CDH20: variants seen among roughly 807,000 people sequenced by gnomAD.
The protein encoded by CDH20 is cadherin-20.
In CDH20, 29 loss-of-function variants were observed where a neutral mutation model predicts 74.2. The ratio of observed to expected loss-of-function variants is 0.39; its 90% CI spans 0.29 to 0.53. The LOEUF (loss-of-function observed/expected upper bound fraction) is 0.53, where lower values mean the gene tolerates loss of function less well. Ranked by LOEUF, CDH20 falls within the 20% of genes least tolerant of loss-of-function variation. CDH20 has a pLI of 0.69. For missense variants in CDH20, 988 were observed against 1,048.3 expected, an observed-to-expected ratio of 0.94 and a Z score of 0.79; for synonymous variants, 469 against 405.4, an observed-to-expected ratio of 1.16 and a Z score of -1.88.
chr18:61,446,050 C>G (rs1599090905), intron 1 of CDH20, among the ~76,000 whole-genome samples: 1 of 152,164 alleles, frequency 6.6e-6, no homozygotes, highest in African/African-American at 2.4e-5. Flanking sequence ...GAGAGACAGA[C>G]AGAAGCCATA....
chr18:61,467,859 G>T (rs997524612), intron 1 of CDH20, among the ~76,000 whole-genome samples: 4 of 152,120 alleles, frequency 2.6e-5, no homozygotes, highest in African/African-American at 9.7e-5. Context: ...GCTTACGTTC[G>T]CTTACTAGTA....
At chr18:61,517,585 C>T (rs978283811) in intron 6 of CDH20, among the ~76,000 whole-genome samples, 3 of 152,208 alleles carry the variant, frequency 2.0e-5, no homozygotes, top group African/African-American at 7.2e-5. Context: ...ATGGTCTTTG[C>T]AACCAGCAGA....
intron 7 of CDH20, among the ~76,000 whole-genome samples, chr18:61,531,886 G>T (rs1490001924): frequency 1.3e-5 from 2 of 152,320 alleles, no homozygotes; most frequent in East Asian, 1.9e-4. Context: ...CACTACGATT[G>T]TAAGTGTGCT....
intron 1 of CDH20, among the ~76,000 whole-genome samples, chr18:61,422,784 T>C (rs1049710282): frequency 1.3e-5 from 2 of 151,306 alleles, no homozygotes; most frequent in East Asian, 3.9e-4. Flanking sequence ...TATATACTTA[T>C]ATAAATGGTC....
At chr18:61,470,458 G>T (rs777988637) in intron 1 of CDH20, among the ~76,000 whole-genome samples, 5 of 152,204 alleles carry the variant, frequency 3.3e-5, no homozygotes, top group African/African-American at 7.2e-5. Context: ...GGCCCTGCCC[G>T]TTGGTGCGGA....
At chr18:61,362,759 AACT>A (rs1206598611) in intron 1 of CDH20, among the ~76,000 whole-genome samples, 1 of 151,286 alleles carries the variant, frequency 6.6e-6, no homozygotes, top group Non-Finnish European at 1.5e-5. Flanking sequence ...TAGTATGACT[AACT>A]ACTATGACAT....
At chr18:61,370,297 T>C (rs1420008029) in intron 1 of CDH20, among the ~76,000 whole-genome samples, 1 of 152,058 alleles carries the variant, frequency 6.6e-6, no homozygotes, top group Non-Finnish European at 1.5e-5. Flanking sequence ...CCTAAGTTCA[T>C]AGGATGCTTG....
rs181476397 is a variant in CDH20, at chr18:61,498,169, G to A, written c.247-1017G>A. ...AATCCCAGCACTTTGGGAGGCCGAG[G>A]CAGGTAGATCACCTGAGGTCAGGAG... On this transcript the variant is annotated intron_variant, in intron 2 of 11. Transcript: ENST00000262717. Among the ~76,000 whole-genome samples, 21 of 152,230 alleles carry A rather than the reference G, an allele frequency of 1.4e-4. No individual in the cohort carries two copies. The East Asian group carries it at 4.1e-3, about 29-fold the overall frequency.
chr18:61,519,387 C>G (rs1237041427), intron 6 of CDH20, among the ~76,000 whole-genome samples: 1 of 151,182 alleles, frequency 6.6e-6, no homozygotes, highest in Non-Finnish European at 1.5e-5. Context: ...ATGAGGTACC[C>G]ACAAAGGGAA....
At chr18:61,519,112 T>C (rs915627696) in intron 6 of CDH20, among the ~76,000 whole-genome samples, 1 of 151,106 alleles carries the variant, frequency 6.6e-6, no homozygotes, top group African/African-American at 2.5e-5. Flanking sequence ...CCAAGAAATA[T>C]GGGACTACAT....
chr18:61,538,104 G>A (rs1912874703), intron 8 of CDH20, among the ~76,000 whole-genome samples: 1 of 152,194 alleles, frequency 6.6e-6, no homozygotes, highest in South Asian at 2.1e-4. Context: ...TATGGATTTG[G>A]TGTGTGTTTG....
intron 1 of CDH20, among the ~76,000 whole-genome samples, chr18:61,449,757 G>GAAA (rs149087987): frequency 4.5e-4 from 68 of 150,926 alleles, no homozygotes; most frequent in Admixed American, 1.9e-3. Flanking sequence ...TTTTAAAATA[G>GAAA]AAAAAAATAT....
In CDH20 at chr18:61,427,449, C is replaced by T. The variant is rs575213948; in HGVS notation, c.-152-62953C>T. On this transcript the variant is annotated intron_variant, in intron 1 of 11. Transcript: ENST00000262717. ...CCACCTTGATAGCCTGGTTTCAGGG[C>T]CTATGTGCTTAACCATTATGCTGTA... Among the ~76,000 whole-genome samples, 4 of 152,108 alleles carry T rather than the reference C, an allele frequency of 2.6e-5. No individual in the cohort carries two copies. In the East Asian group the frequency reaches 5.8e-4, roughly 22 times the overall value.
At position 61,353,035 on chromosome 18, in the gene CDH20, C is replaced by T. The variant is rs1405376176; in HGVS notation, c.-153+19208C>T. The stretch of plus-strand genomic sequence containing the variant: ...GCCAACATGGTCTCCCAGTCAGCCT[C>T]TTCTCTAGCAACCTTCACATGCTGT... On this transcript the variant is annotated intron_variant, in intron 1 of 11. Coordinates refer to ENST00000262717, the MANE Select transcript of CDH20 (RefSeq NM_031891.4). This position sits in a 1 kb window ranked among gnomAD's most constrained non-coding sequence, Gnocchi z 4.6. Among the ~76,000 whole-genome samples the T allele has an allele frequency of 6.6e-6, 1 of 152,218 alleles. No individual in the cohort carries two copies.
chr18:61,552,262 A>G (rs989694213), intron 11 of CDH20, among the ~76,000 whole-genome samples: 1 of 152,068 alleles, frequency 6.6e-6, no homozygotes, highest in African/African-American at 2.4e-5. Context: ...CACGAAGAAT[A>G]AACCATCCCT....
intron 1 of CDH20, among the ~76,000 whole-genome samples, chr18:61,489,210 G>A (rs1910873827): frequency 6.6e-6 from 1 of 152,116 alleles, no homozygotes; most frequent in Non-Finnish European, 1.5e-5. Context: ...AATTTCTTTT[G>A]TACATTTCAA....
intron 1 of CDH20, among the ~76,000 whole-genome samples, chr18:61,477,325 T>C (rs1271193992): frequency 1.3e-5 from 2 of 152,214 alleles, no homozygotes; most frequent in Non-Finnish European, 2.9e-5. Context: ...CTGGGATCTG[T>C]AGATAATGGA....
chr18:61,337,463 G>GACAT (rs1909796439), intron 1 of CDH20, among the ~76,000 whole-genome samples: 1 of 151,956 alleles, frequency 6.6e-6, no homozygotes, highest in East Asian at 1.9e-4. Context: ...TTTTTTCTCG[G>GACAT]ACATATAAGA....
At chr18:61,477,773 C>T (rs1910444250) in intron 1 of CDH20, among the ~76,000 whole-genome samples, 1 of 152,194 alleles carries the variant, frequency 6.6e-6, no homozygotes, top group Non-Finnish European at 1.5e-5. Flanking sequence ...TCAACCCACA[C>T]TCCCATCCAT....
Sources: allele counts gnomAD v4.1 joint callset (sites outside exome capture counted in the v4.1 genomes callset), GRCh38; gene constraint gnomAD v4.1.1; non-coding constraint Gnocchi (gnomAD v3.1); transcripts MANE v1.5; gene names NCBI Gene and HGNC (gene_info 2026-07-23, HGNC 2026-07-21).